Variants in OSBPL7 observed in about 807,000 individuals in gnomAD.
OSBPL7 encodes the protein oxysterol-binding protein-related protein 7.
OSBPL7 carries 66 observed loss-of-function variants against 115.8 expected under a neutral mutation model. That is an observed-to-expected ratio of 0.57 (90% CI 0.47 to 0.70). The LOEUF (loss-of-function observed/expected upper bound fraction) is 0.70, where lower values mean the gene tolerates loss of function less well. Among genes scored for constraint, OSBPL7 ranks in the 30% least tolerant of loss-of-function variants. The pLI is 0.00. For synonymous variants in OSBPL7, 441 were observed against 439.2 expected (o/e 1.00, Z -0.05); for missense variants, 902 against 1,125.5 (o/e 0.80, Z 2.84).
At chr17:47,818,419 T>C (rs1225553498) in intron 6 of OSBPL7, 33 bp from the exon 7 acceptor site, 1 of 1,602,308 alleles carries the variant, frequency 6.2e-7, no homozygotes, top group South Asian at 1.1e-5. Context: ...GGAAGGATGA[T>C]GCCCACCTCC....
chr17:47,811,352 C>T (rs2033036079), intron 16 of OSBPL7, among the ~76,000 whole-genome samples: 1 of 152,172 alleles, frequency 6.6e-6, no homozygotes, highest in South Asian at 2.1e-4. Flanking sequence ...TCTCCGTTCC[C>T]TGTCGCCCAC....
chr17:47,816,336 C>A lies in OSBPL7; in HGVS notation c.1023+52G>T. 6.7e-7 allele frequency: 1 copy of A among 1,487,664 alleles called. No individual in the cohort carries two copies. Among genetic ancestry groups the A allele is most frequent in the Non-Finnish European group, 9.0e-7 (1 of 1,113,428 alleles). 92.2% of individuals were successfully genotyped at this position (1,487,664 alleles called of 1,614,324 possible). A position where few individuals can be genotyped will look rare whatever the true frequency, so the allele number is the denominator to read the frequency against. ...GCTATCGGACCCCAGGCTGGCAGTC[C>A]TCAGCTTGAAGCCCTCTCCCCGCAC... On this transcript the variant is annotated intron_variant, in intron 11 of 22. Coordinates refer to ENST00000007414, the MANE Select transcript of OSBPL7 (RefSeq NM_145798.3). This position sits in a 1 kb window ranked among gnomAD's most constrained non-coding sequence, Gnocchi z 5.8.
intron 14 of OSBPL7, 75 bp downstream of exon 14, chr17:47,814,446 T>C: frequency 7.1e-7 from 1 of 1,409,192 alleles, no homozygotes; most frequent in Admixed American, 1.7e-5. Flanking sequence ...GGCCTTTGCA[T>C]GGGCCTGGGC....
chr17:47,817,076 G>A (rs1338011537), intron 8 of OSBPL7, 180 bp downstream of exon 8: 3 of 703,204 alleles, frequency 4.3e-6, no homozygotes, highest in Non-Finnish European at 7.3e-6. Flanking sequence ...CAGAGGCATG[G>A]GCATGGAGGA....
rs780931316 is a variant in OSBPL7 at position 47,817,404 on chromosome 17, T to C, written c.599-45A>G. The C allele has an allele frequency of 1.9e-5, 27 of 1,435,528 alleles. No homozygotes were observed. In the African/African-American group the frequency reaches 3.6e-4, roughly 19 times the overall value. The allele number at this position is 1,435,528 out of a possible 1,614,324, so 88.9% of individuals were successfully genotyped here. On this transcript the variant is annotated intron_variant, in intron 7 of 22. Transcript: ENST00000007414. ...GAACAAGAACACCATTCATTTTTTT[T>C]TTGAGACGGAGTTTTGCTCTTGTTG...
rs2033219199 is a variant in OSBPL7 at position 47,816,431 on chromosome 17, T to C, written c.980A>G (p.Gln327Arg). Residue 327 changes from glutamine to arginine, a missense_variant, in exon 11 of 23, where the codon CAA (glutamine) becomes CGA (arginine). Gln to Arg is a conservative substitution (Grantham distance 43). Around this residue, in one of 3 missense-constraint regions of OSBPL7, gnomAD observed 667 missense variants for 788.7 expected, o/e 0.85. Coordinates refer to ENST00000007414, the MANE Select transcript of OSBPL7 (RefSeq NM_145798.3). The surrounding 1 kb of genome is among the most constrained non-coding windows in gnomAD (Gnocchi z 5.8). ...TGAGCCCTGGTGCATGTCCCTCAGT[T>C]GGTCCCGTTCCATGGTGAGGGCGGC... is the stretch of plus-strand genomic sequence containing the variant. Reference protein sequence around the residue: ...VLAALTMERDQLRDMHQGSEL... With the variant: ...VLAALTMERDRLRDMHQGSEL... The C allele has an allele frequency of 6.5e-7, 1 of 1,543,048 alleles. No homozygotes were observed. The highest frequency in any genetic ancestry group is 8.8e-7 in the Non-Finnish European group (1 of 1,142,564).
In OSBPL7 at chr17:47,818,635, G is replaced by T. The variant is rs201147627; in HGVS notation, c.370-19C>A. On this transcript the variant is annotated intron_variant, in intron 5 of 22. Coordinates refer to ENST00000007414, the MANE Select transcript of OSBPL7 (RefSeq NM_145798.3). ...ATTTGATCTGCAGAAGTGATGGAGA[G>T]GGGGAGGGCTATCTGAAGAGAGGGA... is the stretch of plus-strand genomic sequence containing the variant. The T allele has an allele frequency of 2.5e-6, 4 of 1,599,896 alleles. No homozygotes were observed. The highest frequency in any genetic ancestry group is 2.2e-5 in the East Asian group (1 of 44,792).
intron 15 of OSBPL7, 66 bp downstream of exon 15, chr17:47,813,521 T>C: frequency 6.3e-7 from 1 of 1,586,802 alleles, no homozygotes; most frequent in Non-Finnish European, 8.6e-7. Context: ...CAGGATTTTC[T>C]GGGAGAAAAG....
At chr17:47,818,660 A>G in intron 5 of OSBPL7, 44 bp from the exon 6 acceptor site, 1 of 1,520,916 alleles carries the variant, frequency 6.6e-7, no homozygotes, top group South Asian at 1.2e-5. Context: ...GAAGAGAGGG[A>G]CCACTTTCCA....
At chr17:47,814,479 A>AGGCCCCC in intron 14 of OSBPL7, 42 bp downstream of exon 14, 1 of 1,086,688 alleles carries the variant, frequency 9.2e-7, no homozygotes, top group Non-Finnish European at 1.4e-6. Flanking sequence ...CTGTTTTTCC[A>AGGCCCCC]CCCGCCTCCC....
chr17:47,820,511 C>T (rs1026338117), intron 1 of OSBPL7, 146 bp from the exon 2 acceptor site: 5 of 534,798 alleles, frequency 9.3e-6, no homozygotes, highest in East Asian at 6.5e-5. Flanking sequence ...CCCTCTGTCC[C>T]GACCCCACCC....
At chr17:47,814,392 G>A in intron 14 of OSBPL7, 129 bp downstream of exon 14, 1 of 814,384 alleles carries the variant, frequency 1.2e-6, no homozygotes, top group Non-Finnish European at 1.9e-6. Flanking sequence ...TAGCTCCTGG[G>A]GTCAGCATCC....
intron 14 of OSBPL7, 141 bp from the exon 15 acceptor site, chr17:47,813,975 G>A (rs1012596876): frequency 8.4e-7 from 1 of 1,185,032 alleles, no homozygotes; most frequent in Non-Finnish European, 1.1e-6. Context: ...ACTCACAGCA[G>A]GGCAGGGTGA....
At chr17:47,813,133 G>A (rs2033094278) in intron 16 of OSBPL7, 133 bp downstream of exon 16, 1 of 1,247,706 alleles carries the variant, frequency 8.0e-7, no homozygotes, top group South Asian at 1.5e-5. Flanking sequence ...GAGCACCGCA[G>A]AGCCCGGCAC....
chr17:47,813,367 A>G lies in OSBPL7; in HGVS notation c.1636T>C (p.Ser546Pro), dbSNP rs1267283466. 6.2e-7 allele frequency: 1 copy of G among 1,613,904 alleles called. No individual in the cohort carries two copies. Among genetic ancestry groups the G allele is most frequent in the Non-Finnish European group, 8.5e-7 (1 of 1,180,026 alleles). The stretch of plus-strand genomic sequence containing the variant: ...TTGCAGCCGGCTCGGTGGTATGTGG[A>G]GGAGTAGGCCGAGACAGCAAAGGCT... ...IAAFAVSAYS[S>P]TYHRAGCKPF... Residue 546 changes from serine (S) to proline (P), a missense_variant, in exon 16 of 23, where the codon TCC becomes CCC. Physicochemically the swap from Ser to Pro is moderately conservative, Grantham distance 74 (BLOSUM62 -1). This residue lies in a region of OSBPL7 where 667 missense variants were observed against 788.7 expected (regional missense o/e 0.85). Coordinates refer to ENST00000007414, the MANE Select transcript of OSBPL7 (RefSeq NM_145798.3).
At position 47,810,663 on chromosome 17, in the gene OSBPL7, C is replaced by T. The variant is rs1461213928; in HGVS notation, c.1811G>A (p.Trp604Ter). 1 of 1,614,178 alleles carries T rather than the reference C, an allele frequency of 6.2e-7. No homozygotes were observed. The highest frequency in any genetic ancestry group is 8.5e-7 in the Non-Finnish European group (1 of 1,180,010). ...ENFAFWQDMK[W>*]KNKFWGKSLE... ...GGATTTGCCCCAGAACTTGTTCTTCCACTTCATATCTGGAATTGGATTAGG... is the reference window on the plus strand; with the variant it reads ...GGATTTGCCCCAGAACTTGTTCTTCTACTTCATATCTGGAATTGGATTAGG... The change falls in exon 18 of 23, where the codon TGG becomes TAG. Residue 604 changes from tryptophan (W) to a stop codon, truncating the protein, a stop_gained. Transcript: ENST00000007414. LOFTEE classifies it high-confidence loss of function.
At chr17:47,818,921 C>G in intron 5 of OSBPL7, 65 bp downstream of exon 5, 1 of 1,375,512 alleles carries the variant, frequency 7.3e-7, no homozygotes. Flanking sequence ...GCCCCTGCCC[C>G]TGTGTGTTCC....
chr17:47,809,014 G>A (rs1164007624), intron 20 of OSBPL7, 24 bp from the exon 21 acceptor site: 6 of 1,613,628 alleles, frequency 3.7e-6, no homozygotes, highest in Non-Finnish European at 4.2e-6. Flanking sequence ...AGGGGCTGGG[G>A]CAGGTGCACC....
intron 18 of OSBPL7, 97 bp downstream of exon 18, chr17:47,810,497 C>T: frequency 9.3e-7 from 1 of 1,080,108 alleles, no homozygotes; most frequent in Non-Finnish European, 1.4e-6. Context: ...GCCAGACCTT[C>T]CTATCCCGTC....
Sources: allele counts gnomAD v4.1 joint callset (sites outside exome capture counted in the v4.1 genomes callset), GRCh38; gene constraint gnomAD v4.1.1; regional missense constraint gnomAD v4.1.1; non-coding constraint Gnocchi (gnomAD v3.1); transcripts MANE v1.5; gene names NCBI Gene and HGNC (gene_info 2026-07-23, HGNC 2026-07-21).